The following NCOA3 variants were observed in gnomAD, a reference collection of about 807,000 sequenced individuals.
NCOA3 encodes nuclear receptor coactivator 3.
NCOA3 carries 51 observed loss-of-function variants against 158.8 expected under a neutral mutation model. The observed-to-expected ratio is 0.32, with a 90% CI of 0.26 to 0.41. The LOEUF (loss-of-function observed/expected upper bound fraction) is 0.41, where lower values mean the gene tolerates loss of function less well. Ranked by LOEUF, NCOA3 falls within the 10% of genes least tolerant of loss-of-function variation. NCOA3 has a pLI of 1.00. For missense variants in NCOA3, 1,510 were observed against 1,746.6 expected, an observed-to-expected ratio of 0.86 and a Z score of 2.41; for synonymous variants, 537 against 592.4, an observed-to-expected ratio of 0.91 and a Z score of 1.36.
intron 12 of NCOA3, 107 bp downstream of exon 12, chr20:47,636,869 C>T: frequency 2.0e-6 from 2 of 989,584 alleles, no homozygotes; most frequent in Non-Finnish European, 2.9e-6. Context: ...AAAGTTAAAT[C>T]TTTAGCTCTC....
chr20:47,523,689 C>T (rs2084381444), intron 1 of NCOA3, among the ~76,000 whole-genome samples: 1 of 152,202 alleles, frequency 6.6e-6, no homozygotes, highest in South Asian at 2.1e-4. Context: ...AATCCCAAAG[C>T]AGCATGTTTC....
intron 4 of NCOA3, 28 bp downstream of exon 4, chr20:47,624,111 A>G (rs1182591850): frequency 9.5e-6 from 15 of 1,578,362 alleles, no homozygotes; most frequent in Non-Finnish European, 1.3e-5. Flanking sequence ...GTCTTTTTGA[A>G]CAGTGGTGGT....
chr20:47,539,648 C>A (rs910202572), intron 1 of NCOA3, among the ~76,000 whole-genome samples: 1 of 152,138 alleles, frequency 6.6e-6, no homozygotes, highest in Non-Finnish European at 1.5e-5. Flanking sequence ...ATGAAGCCAG[C>A]GTTGTTGAGG....
chr20:47,537,666 G>A (rs1183231334), intron 1 of NCOA3, among the ~76,000 whole-genome samples: 1 of 143,140 alleles, frequency 7.0e-6, no homozygotes, highest in Non-Finnish European at 1.6e-5. Flanking sequence ...TGGAACCTCT[G>A]CCTCCCAGGT....
intron 1 of NCOA3, among the ~76,000 whole-genome samples, chr20:47,536,805 C>CT (rs1227796813): frequency 0.017 from 2,224 of 129,716 alleles, 31 homozygotes; most frequent in East Asian, 0.027. Flanking sequence ...CTGTTTTTTT[C>CT]TTTTTTTTTT....
At chr20:47,611,594 C>T (rs1031460084) in intron 2 of NCOA3, among the ~76,000 whole-genome samples, 1 of 152,084 alleles carries the variant, frequency 6.6e-6, no homozygotes, top group Non-Finnish European at 1.5e-5. Context: ...GAGTTCGAGA[C>T]CAGCCTGGCC....
At chr20:47,523,380 G>C (rs1367000743) in intron 1 of NCOA3, among the ~76,000 whole-genome samples, 36 of 152,168 alleles carry the variant, frequency 2.4e-4, no homozygotes, top group Admixed American at 2.4e-3. Flanking sequence ...GTCTTCGGAG[G>C]AATGGCTGGC....
chr20:47,619,537 TG>T (rs2086200306), intron 2 of NCOA3, among the ~76,000 whole-genome samples: 1 of 151,336 alleles, frequency 6.6e-6, no homozygotes, highest in South Asian at 2.1e-4. Flanking sequence ...CCCAGCTACT[TG>T]GGATACTGAG....
chr20:47,627,798 T>G, intron 7 of NCOA3, 49 bp downstream of exon 7: 1 of 1,590,956 alleles, frequency 6.3e-7, no homozygotes, highest in Non-Finnish European at 8.6e-7. Flanking sequence ...ATAGTGGCCA[T>G]ACTTGGAGTT....
Position 47,636,167 on chromosome 20 carries a change from G to A in NCOA3, c.1781G>A (p.Ser594Asn). 1.2e-6 allele frequency: 2 copies of A among 1,614,208 alleles called. No homozygotes were observed. The highest frequency in any genetic ancestry group is 1.7e-6 in the Non-Finnish European group (2 of 1,180,042). ...MCQSNSRDHL[S>N]DKESKESSVE... Reference sequence around the variant, plus strand: ...CAGTCAAATAGCAGAGATCACCTCAGTGACAAAGAAAGTAAGGAGAGCAGT... The same window carrying A: ...CAGTCAAATAGCAGAGATCACCTCAATGACAAAGAAAGTAAGGAGAGCAGT... The change falls in exon 12 of 23, where the codon AGT becomes AAT. Residue 594 changes from serine (S) to asparagine (N), a missense_variant. Coordinates refer to ENST00000371998, the MANE Select transcript of NCOA3 (RefSeq NM_181659.3).
At chr20:47,648,363 C>A (rs2078531774) in intron 18 of NCOA3, among the ~76,000 whole-genome samples, 1 of 152,126 alleles carries the variant, frequency 6.6e-6, no homozygotes, top group African/African-American at 2.4e-5. Flanking sequence ...GGAGTTTATT[C>A]AGAATTCCTC....
intron 17 of NCOA3, among the ~76,000 whole-genome samples, chr20:47,646,800 ATAAAG>A (rs1403970261): frequency 6.6e-6 from 1 of 152,186 alleles, no homozygotes; most frequent in Non-Finnish European, 1.5e-5. Context: ...GGATGAGAAA[ATAAAG>A]GTGAATGCAC....
intron 1 of NCOA3, among the ~76,000 whole-genome samples, chr20:47,515,722 C>T (rs1354414233): frequency 3.3e-5 from 5 of 152,068 alleles, no homozygotes; most frequent in South Asian, 2.1e-4. Flanking sequence ...TCAAGTGGTC[C>T]GCCCACCTCA....
intron 1 of NCOA3, among the ~76,000 whole-genome samples, chr20:47,534,531 T>A (rs2084602258): frequency 6.6e-6 from 1 of 152,186 alleles, no homozygotes; most frequent in Non-Finnish European, 1.5e-5. Context: ...AAAATGTCTA[T>A]TTATTGTATG....
chr20:47,556,981 T>C (rs1269508283), intron 1 of NCOA3, among the ~76,000 whole-genome samples: 2 of 152,348 alleles, frequency 1.3e-5, no homozygotes, highest in East Asian at 3.9e-4. Flanking sequence ...TTTTTGTCAG[T>C]ATATAGAGAT....
chr20:47,653,533 G>C lies in NCOA3; in HGVS notation c.*116G>C. 3.3e-6 allele frequency: 4 copies of C among 1,224,926 alleles called. No homozygotes were observed. The highest frequency in any genetic ancestry group is 4.7e-6 in the Non-Finnish European group (4 of 849,696). 75.9% of individuals were successfully genotyped at this position (1,224,926 alleles called of 1,614,324 possible). ...TCTTGGAAGAAAGGACCAGCTTTGA[G>C]CTCCATCAAGGGTATTTTAAGTGAT... On this transcript the variant is annotated 3_prime_UTR_variant, in exon 23 of 23. Transcript: ENST00000371998.
chr20:47,520,484 A>G (rs879483729), intron 1 of NCOA3, among the ~76,000 whole-genome samples: 4 of 152,166 alleles, frequency 2.6e-5, no homozygotes, highest in African/African-American at 9.7e-5. Flanking sequence ...GGAGTTCTGA[A>G]TATTTTCCTT....
At chr20:47,604,011 G>C (rs527519661) in intron 2 of NCOA3, among the ~76,000 whole-genome samples, 5 of 152,270 alleles carry the variant, frequency 3.3e-5, no homozygotes, top group African/African-American at 1.2e-4. Context: ...CCTGTCTCCT[G>C]TCTGTATCAG....
At chr20:47,603,492 G>T (rs1465286498) in intron 2 of NCOA3, among the ~76,000 whole-genome samples, 1 of 152,206 alleles carries the variant, frequency 6.6e-6, no homozygotes, top group Non-Finnish European at 1.5e-5. Flanking sequence ...TGCTCTTTTT[G>T]CTTTGCCGAC....
Sources: gnomAD v4.1 joint callset for allele counts (sites outside exome capture counted in the v4.1 genomes callset) on GRCh38, gnomAD v4.1.1 for gene constraint, MANE v1.5 for transcripts, NCBI Gene and HGNC (gene_info 2026-07-23, HGNC 2026-07-21) for gene names.